The following PRKD1 variants were observed in gnomAD, a reference collection of about 807,000 sequenced individuals.
PRKD1 encodes the protein protein kinase D1.
PRKD1 carries 63 observed loss-of-function variants against 95.9 expected under a neutral mutation model. The ratio of observed to expected loss-of-function variants is 0.66; its 90% CI spans 0.54 to 0.81. The LOEUF (loss-of-function observed/expected upper bound fraction) is 0.81. Among genes scored for constraint, PRKD1 ranks in the 30% least tolerant of loss-of-function variants. The pLI, the probability that PRKD1 is intolerant of heterozygous loss-of-function variation, is 0.00. For missense variants in PRKD1, 1,048 were observed against 1,165.3 expected (o/e 0.90, Z 1.47); for synonymous variants, 425 against 423.1 (o/e 1.00, Z -0.05).
intron 1 of PRKD1, among the ~76,000 whole-genome samples, chr14:29,895,585 G>C (rs2139420524): frequency 6.6e-6 from 1 of 152,132 alleles, no homozygotes; most frequent in South Asian, 2.1e-4. Flanking sequence ...GGGAAAGGTG[G>C]AGTCCTGAAG....
At chr14:29,685,385 C>T (rs1883797875) in intron 2 of PRKD1, among the ~76,000 whole-genome samples, 1 of 152,148 alleles carries the variant, frequency 6.6e-6, no homozygotes, top group Admixed American at 6.5e-5. Flanking sequence ...TGCAGGGAAG[C>T]TTCATTCTGA....
chr14:29,851,716 G>A (rs1046383531), intron 1 of PRKD1, among the ~76,000 whole-genome samples: 2 of 152,082 alleles, frequency 1.3e-5, no homozygotes, highest in Non-Finnish European at 1.5e-5. Context: ...ACTCAACTGA[G>A]CAATATCATT....
chr14:29,759,355 G>T (rs755817482), intron 1 of PRKD1, among the ~76,000 whole-genome samples: 15 of 152,186 alleles, frequency 9.9e-5, no homozygotes, highest in Non-Finnish European at 1.9e-4. Flanking sequence ...CAGCACCCAT[G>T]AAATAGATTC....
intron 1 of PRKD1, among the ~76,000 whole-genome samples, chr14:29,768,035 T>C (rs574795588): frequency 6.6e-6 from 1 of 152,332 alleles, no homozygotes; most frequent in Admixed American, 6.5e-5. Flanking sequence ...GAAGTGTTTC[T>C]AGTATTCACC....
intron 1 of PRKD1, among the ~76,000 whole-genome samples, chr14:29,914,201 T>C (rs1182169480): frequency 6.6e-6 from 1 of 152,198 alleles, no homozygotes; most frequent in Non-Finnish European, 1.5e-5. Flanking sequence ...CGAGGGAAGT[T>C]ACGTGTTGGC....
At chr14:29,631,647 C>T in intron 9 of PRKD1, among the ~76,000 whole-genome samples, 1 of 151,694 alleles carries the variant, frequency 6.6e-6, no homozygotes. Context: ...TTACAGGCAC[C>T]TGCCACTACA....
intron 4 of PRKD1, among the ~76,000 whole-genome samples, chr14:29,663,069 TAATA>T (rs1300837107): frequency 6.8e-6 from 1 of 146,014 alleles, no homozygotes; most frequent in Admixed American, 6.9e-5. Flanking sequence ...ATTTTATATA[TAATA>T]TATATAAAAT....
intron 1 of PRKD1, among the ~76,000 whole-genome samples, chr14:29,926,450 G>A: frequency 6.6e-6 from 1 of 152,174 alleles, no homozygotes; most frequent in East Asian, 1.9e-4. Flanking sequence ...ACTGTAAACA[G>A]TGGTGGGTGG....
chr14:29,698,723 T>C (rs982235137), intron 2 of PRKD1, among the ~76,000 whole-genome samples: 2 of 151,940 alleles, frequency 1.3e-5, no homozygotes, highest in Non-Finnish European at 2.9e-5. Context: ...TGCTTGCTGG[T>C]TTGTGAGTCT....
chr14:29,712,326 T>A (rs1391427632), intron 2 of PRKD1, among the ~76,000 whole-genome samples: 1 of 152,020 alleles, frequency 6.6e-6, no homozygotes, highest in East Asian at 1.9e-4. Context: ...CAGCTCTACA[T>A]GATCAGTTTT....
At chr14:29,639,030 A>G (rs751622672) in intron 4 of PRKD1, 126 bp from the exon 5 acceptor site, 8 of 700,426 alleles carry the variant, frequency 1.1e-5, no homozygotes, top group African/African-American at 1.8e-5. Flanking sequence ...ATGAAATCAT[A>G]CTGTATTTCT....
chr14:29,792,714 G>C (rs1200490632), intron 1 of PRKD1, among the ~76,000 whole-genome samples: 1 of 151,954 alleles, frequency 6.6e-6, no homozygotes, highest in Non-Finnish European at 1.5e-5. Context: ...CAGGCAAAAA[G>C]ACAAGTTTCA....
intron 13 of PRKD1, among the ~76,000 whole-genome samples, chr14:29,621,312 T>C (rs886887011): frequency 2.0e-5 from 3 of 151,950 alleles, no homozygotes; most frequent in African/African-American, 4.8e-5. Flanking sequence ...CTGCACATTA[T>C]GCACGTGTAC....
chr14:29,601,382 T>G (rs1308500348), intron 13 of PRKD1, among the ~76,000 whole-genome samples: 1 of 152,224 alleles, frequency 6.6e-6, no homozygotes, highest in Admixed American at 6.5e-5. Flanking sequence ...GGTCAAATCA[T>G]ACAGCATAAT....
intron 1 of PRKD1, among the ~76,000 whole-genome samples, chr14:29,745,110 A>G (rs1887153271): frequency 6.6e-6 from 1 of 152,132 alleles, no homozygotes; most frequent in Admixed American, 6.5e-5. Context: ...CACATGGCTA[A>G]TTCCTCATTT....
At chr14:29,884,097 T>C (rs1893610705) in intron 1 of PRKD1, among the ~76,000 whole-genome samples, 1 of 152,196 alleles carries the variant, frequency 6.6e-6, no homozygotes, top group Admixed American at 6.5e-5. Context: ...GATCTCCTTT[T>C]TACTTAAAAG....
intron 1 of PRKD1, among the ~76,000 whole-genome samples, chr14:29,916,695 T>C (rs1021194326): frequency 6.6e-6 from 1 of 152,206 alleles, no homozygotes; most frequent in African/African-American, 2.4e-5. Flanking sequence ...CTTCCAAGGA[T>C]GCTAAATGCA....
At position 29,599,091 on chromosome 14, in the gene PRKD1, T is replaced by C. The variant is rs764301676; in HGVS notation, c.2102A>G (p.Asn701Ser). The C allele has an allele frequency of 1.2e-6, 2 of 1,613,618 alleles. No homozygotes were observed. The highest frequency in any genetic ancestry group is 2.7e-5 in the African/African-American group (2 of 74,894). ...LVALRHLHFK[N>S]IVHCDLKPEN... ...TGGTTTGAGGTCACAGTGAACGATA[T>C]TTTTAAAATGAAGGTGCCGCAAAGC... Residue 701 changes from asparagine (N) to serine (S), a missense_variant, in exon 15 of 18, where the codon AAT becomes AGT. This residue lies in a region of PRKD1 where 739 missense variants were observed against 861.9 expected (regional missense o/e 0.86). Transcript: ENST00000331968.
chr14:29,649,558 T>C (rs1474077332), intron 4 of PRKD1, among the ~76,000 whole-genome samples: 1 of 152,182 alleles, frequency 6.6e-6, no homozygotes, highest in Non-Finnish European at 1.5e-5. Flanking sequence ...CAGGGCTGTA[T>C]TTAGCTATGA....
Sources: allele counts gnomAD v4.1 joint callset (sites outside exome capture counted in the v4.1 genomes callset), GRCh38; gene constraint gnomAD v4.1.1; regional missense constraint gnomAD v4.1.1; transcripts MANE v1.5; gene names NCBI Gene and HGNC (gene_info 2026-07-23, HGNC 2026-07-21).